Variants in GRM4 observed in about 807,000 individuals in gnomAD.
GRM4 encodes the protein glutamate metabotropic receptor 4.
In GRM4, 28 loss-of-function variants were observed where a neutral mutation model predicts 81.7. The ratio of observed to expected loss-of-function variants is 0.34; its 90% CI spans 0.25 to 0.47. The LOEUF (loss-of-function observed/expected upper bound fraction) is 0.47. GRM4 is among the 20% of genes least tolerant of loss of function. The probability of loss-of-function intolerance (pLI) is 1.00; values close to 1 mark genes in which losing one functional copy is unlikely to be tolerated. For synonymous variants in GRM4, 488 were observed against 528.8 expected, an observed-to-expected ratio of 0.92 and a Z score of 1.06; for missense variants, 948 against 1,290.0, an observed-to-expected ratio of 0.73 and a Z score of 4.06.
In GRM4 at chr6:34,091,935, G is replaced by A. The variant is rs1165081839; in HGVS notation, c.684C>T (p.Gly228=). 1 of 1,614,086 alleles carries A rather than the reference G, an allele frequency of 6.2e-7. No homozygotes were observed. The highest frequency in any genetic ancestry group is 1.3e-5 in the African/African-American group (1 of 75,060). ...WNYVSTVASE[G]SYGESGVEAF... ...CCTCCACACCGCTCTCACCATAGCT[G>A]CCCTCCGAGGCCACTGTGGACACAT... Residue 228 remains glycine, a synonymous_variant, in exon 3 of 11, where the codon GGC becomes GGT. Coordinates refer to ENST00000538487, the MANE Select transcript of GRM4 (RefSeq NM_000841.4).
chr6:34,079,214 C>T (rs1032316566), intron 3 of GRM4, among the ~76,000 whole-genome samples: 13 of 152,198 alleles, frequency 8.5e-5, no homozygotes, highest in African/African-American at 2.9e-4. Context: ...CGCCTCACGT[C>T]ACCTGCTGCT....
At chr6:34,045,725 C>T (rs1028636495) in intron 6 of GRM4, among the ~76,000 whole-genome samples, 12 of 152,116 alleles carry the variant, frequency 7.9e-5, no homozygotes, top group Non-Finnish European at 1.8e-4. Context: ...TAGGAAAATC[C>T]CCTCTCATGG....
intron 1 of GRM4, among the ~76,000 whole-genome samples, chr6:34,144,994 C>T (rs1770864531): frequency 6.6e-6 from 1 of 152,014 alleles, no homozygotes; most frequent in Non-Finnish European, 1.5e-5. Context: ...CCGGAGGCCA[C>T]CTCCCCGAGC....
intron 2 of GRM4, among the ~76,000 whole-genome samples, chr6:34,118,391 A>T (rs1769677933): frequency 6.6e-6 from 1 of 152,174 alleles, no homozygotes; most frequent in Admixed American, 6.5e-5. Flanking sequence ...CACACTCATG[A>T]CTTCCAGGTG....
At chr6:34,085,295 G>A (rs1767827497) in intron 3 of GRM4, among the ~76,000 whole-genome samples, 1 of 152,206 alleles carries the variant, frequency 6.6e-6, no homozygotes, top group African/African-American at 2.4e-5. Flanking sequence ...AGCACTGCAG[G>A]ATGAAGCACC....
At chr6:34,147,574 A>G (rs1770963896), upstream of GRM4, among the ~76,000 whole-genome samples, 1 of 152,236 alleles carries the variant, frequency 6.6e-6, no homozygotes, top group Admixed American at 6.5e-5. Flanking sequence ...CTAATCTCAA[A>G]GCAGAACTGC....
At chr6:34,076,737 G>T (rs1767332132) in intron 3 of GRM4, among the ~76,000 whole-genome samples, 1 of 152,214 alleles carries the variant, frequency 6.6e-6, no homozygotes, top group Admixed American at 6.5e-5. Flanking sequence ...GACAGATGCT[G>T]GGGGCTGGGG....
At position 34,145,957 on chromosome 6, in the gene GRM4, GC is replaced by G. The variant is rs528806864; in HGVS notation, c.-364+42del. ...ACCCCACCGGCGCCCTCTTCCGGAA[GC>G]CCCCCCCTTCCTCCTCCCCGTGCGC... On this transcript the variant is annotated intron_variant, in intron 1 of 10. Coordinates refer to ENST00000538487, the MANE Select transcript of GRM4 (RefSeq NM_000841.4). The G allele has an allele frequency of 2.0e-4, 199 of 972,986 alleles. 1 individual carries two copies. The highest frequency in any genetic ancestry group is 1.9e-4 in the South Asian group (4 of 20,974). 60.3% of individuals were successfully genotyped at this position (972,986 alleles called of 1,614,324 possible).
Position 34,092,952 on chromosome 6 carries a change from C to T in GRM4, c.520-853G>A, listed in dbSNP as rs929873041. 2.0e-5 allele frequency among the ~76,000 whole-genome samples: 3 copies of T among 152,090 alleles called. No individual in the cohort carries two copies. The highest frequency in any genetic ancestry group is 6.5e-5 in the Admixed American group (1 of 15,278). Reference sequence around the variant, plus strand: ...TCCTCTCCGCCCCTCCCCTCCAGGGCGCCACCCACTGCTCTGCTCTCCCGG... The same window carrying T: ...TCCTCTCCGCCCCTCCCCTCCAGGGTGCCACCCACTGCTCTGCTCTCCCGG... On this transcript the variant is annotated intron_variant, in intron 2 of 10. Coordinates refer to ENST00000538487, the MANE Select transcript of GRM4 (RefSeq NM_000841.4). This position sits in a 1 kb window ranked among gnomAD's most constrained non-coding sequence, Gnocchi z 6.8.
Position 34,139,166 on chromosome 6 carries a change from G to A in GRM4, c.-363-5307C>T, listed in dbSNP as rs185990419. 5.6e-3 allele frequency among the ~76,000 whole-genome samples: 847 copies of A among 152,256 alleles called. 7 individuals are homozygous for A. Among genetic ancestry groups the A allele is most frequent in the African/African-American group, 0.016 (674 of 41,548 alleles). On this transcript the variant is annotated intron_variant, in intron 1 of 10. Coordinates refer to ENST00000538487, the MANE Select transcript of GRM4 (RefSeq NM_000841.4). The stretch of plus-strand genomic sequence containing the variant: ...CTTTCCTTCCCCCGTGAGCTGCTCC[G>A]GCTCACCAGCCTCGACCAGGAAGCC...
chr6:34,028,400 C>T, intron 9 of GRM4, 34 bp from the exon 10 acceptor site: 1 of 1,586,764 alleles, frequency 6.3e-7, no homozygotes, highest in Non-Finnish European at 8.6e-7. Flanking sequence ...AGAGCAGGCT[C>T]TGCCCCGACT....
chr6:34,044,159 C>CAT lies in GRM4; in HGVS notation c.1169-3413_1169-3412dup, dbSNP rs1376168568. On this transcript the variant is annotated intron_variant, in intron 6 of 10. Coordinates refer to ENST00000538487, the MANE Select transcript of GRM4 (RefSeq NM_000841.4). ...ATATACATACATACACATATATACA[C>CAT]ATACACACACATATACATACATACA... 1.1e-3 allele frequency among the ~76,000 whole-genome samples: 148 copies of CAT among 135,780 alleles called. 3 individuals are homozygous for CAT. The East Asian group carries it at 0.023, about 22-fold the overall frequency. 89.1% of individuals were successfully genotyped at this position (135,780 alleles called of 152,430 possible).
In GRM4 at chr6:34,090,308, G is replaced by C. The variant is rs1292325946; in HGVS notation, c.736+1575C>G. Among the ~76,000 whole-genome samples the C allele has an allele frequency of 6.6e-6, 1 of 152,176 alleles. No homozygotes were observed. On this transcript the variant is annotated intron_variant, in intron 3 of 10. Transcript: ENST00000538487. This position sits in a 1 kb window ranked among gnomAD's most constrained non-coding sequence, Gnocchi z 5.2. ...TCCTGCAGAGGTCATGCATTAAACAGAAAAGGTAGGAGGTTGGTTTGGGGA... is the reference window on the plus strand; with the variant it reads ...TCCTGCAGAGGTCATGCATTAAACACAAAAGGTAGGAGGTTGGTTTGGGGA...
chr6:34,033,727 CTCTT>C (rs201762173), intron 9 of GRM4, among the ~76,000 whole-genome samples: 3,733 of 151,976 alleles, frequency 0.025, 60 homozygotes, highest in African/African-American at 0.048. Context: ...CCCTCTCTCT[CTCTT>C]TATTTCTTTT....
At chr6:34,125,123 G>A (rs541290833) in intron 2 of GRM4, among the ~76,000 whole-genome samples, 22 of 152,238 alleles carry the variant, frequency 1.4e-4, no homozygotes, top group South Asian at 1.2e-3. Flanking sequence ...ACAGGTGCCC[G>A]CCACCACACC....
chr6:34,133,663 TCGGG>T lies in GRM4; in HGVS notation c.-171_-168del. 7.1e-7 allele frequency: 1 copy of T among 1,415,990 alleles called. No individual in the cohort carries two copies. The highest frequency in any genetic ancestry group is 9.2e-7 in the Non-Finnish European group (1 of 1,090,914). The allele number at this position is 1,415,990 out of a possible 1,614,324, so 87.7% of individuals were successfully genotyped here. A position where few individuals can be genotyped will look rare whatever the true frequency, so the allele number is the denominator to read the frequency against. On this transcript the variant is annotated 5_prime_UTR_variant, in exon 2 of 11. An upstream open reading frame in the 5' UTR loses its in-frame stop. Transcript: ENST00000538487. The surrounding 1 kb of genome is among the most constrained non-coding windows in gnomAD (Gnocchi z 6.5). ...CTACCCTCTCCCACCTCCTTGTCAC[TCGGG>T]CCAAGCACAGTTGCCCGCACAGTCC...
At chr6:34,129,235 G>A (rs1487346150) in intron 2 of GRM4, among the ~76,000 whole-genome samples, 1 of 152,070 alleles carries the variant, frequency 6.6e-6, no homozygotes, top group Admixed American at 6.5e-5. Context: ...GGCTGGTCTC[G>A]AACTCCTGAC....
intron 2 of GRM4, among the ~76,000 whole-genome samples, chr6:34,102,662 A>G (rs547436795): frequency 2.0e-5 from 3 of 152,224 alleles, no homozygotes; most frequent in African/African-American, 7.2e-5. Context: ...TACTTATTTC[A>G]TTTAGTATCC....
At chr6:34,140,316 G>A (rs1226861124) in intron 1 of GRM4, among the ~76,000 whole-genome samples, 2 of 127,350 alleles carry the variant, frequency 1.6e-5, no homozygotes, top group African/African-American at 5.9e-5. Flanking sequence ...CCAGGGGGCA[G>A]TGGGGAGAGG....
Sources: allele counts gnomAD v4.1 joint callset (sites outside exome capture counted in the v4.1 genomes callset), GRCh38; gene constraint gnomAD v4.1.1; non-coding constraint Gnocchi (gnomAD v3.1); transcripts MANE v1.5; gene names NCBI Gene and HGNC (gene_info 2026-07-23, HGNC 2026-07-21).